Variants in PLTP observed in about 807,000 individuals in gnomAD.
PLTP encodes phospholipid transfer protein, also known as BPI fold containing family E.
Under a neutral mutation model 54.1 loss-of-function variants are expected in PLTP, and 43 were observed. The observed-to-expected ratio is 0.79, with a 90% CI of 0.62 to 1.02. The LOEUF (loss-of-function observed/expected upper bound fraction) is 1.02, where lower values mean the gene tolerates loss of function less well. Ranked by LOEUF, PLTP falls within the 50% of genes least tolerant of loss-of-function variation. PLTP has a pLI of 0.00. For synonymous variants in PLTP, 263 were observed against 264.6 expected (o/e 0.99, Z 0.06); for missense variants, 604 against 645.9 (o/e 0.94, Z 0.70).
rs2083176100 is a variant in PLTP, at chr20:45,900,624, C to A, written c.1176-746G>T. On this transcript the variant is annotated intron_variant, in intron 12 of 15. Coordinates refer to ENST00000372431, the MANE Select transcript of PLTP (RefSeq NM_006227.4). ...CTCACTGTGGCTTTGACCTCCAGGG[C>A]TCAAGTCAGCCTCCCACCTCAGGCT... Among the ~76,000 whole-genome samples the A allele has an allele frequency of 3.3e-5, 5 of 152,014 alleles. No individual in the cohort carries two copies. In the South Asian group the frequency reaches 1.0e-3, roughly 31 times the overall value.
intron 3 of PLTP, among the ~76,000 whole-genome samples, chr20:45,910,649 AC>A (rs1379231075): frequency 2.8e-5 from 4 of 145,048 alleles, no homozygotes; most frequent in Non-Finnish European, 1.5e-5. Flanking sequence ...GTTTGCTTGC[AC>A]CCCCTCCCCT....
rs770049115 is a variant in PLTP, at chr20:45,911,187, C to G, written c.165G>C (p.Arg55=). 2.5e-6 allele frequency: 4 copies of G among 1,614,020 alleles called. No individual in the cohort carries two copies. In the African/African-American group the frequency reaches 5.3e-5, roughly 22 times the overall value. The change falls in exon 3 of 16, where the codon CGG becomes CGC. Residue 55 remains arginine, a synonymous_variant. Coordinates refer to ENST00000372431, the MANE Select transcript of PLTP (RefSeq NM_006227.4). ...TGTAGTAGAAGTGGCCTTCTTTGCC[C>G]CGCAGGTCCGGAATGGTGATAGTCT... is the stretch of plus-strand genomic sequence containing the variant. The part of the protein sequence containing the change: ...ELETITIPDL[R]GKEGHFYYNI...
At chr20:45,904,734 ACCTGCACC>A (rs1054565945) in intron 10 of PLTP, 58 bp downstream of exon 10, 1 of 1,543,868 alleles carries the variant, frequency 6.5e-7, no homozygotes. Flanking sequence ...TGGGGGCCCC[ACCTGCACC>A]CCTCCTTGGT....
rs751308375 is a variant in PLTP at position 45,911,527 on chromosome 20, A to G, written c.-11-64T>C. The G allele has an allele frequency of 4.4e-6, 7 of 1,593,062 alleles. No homozygotes were observed. In the Middle Eastern group the frequency reaches 6.6e-4, roughly 150 times the overall value. On this transcript the variant is annotated intron_variant, in intron 1 of 15. Coordinates refer to ENST00000372431, the MANE Select transcript of PLTP (RefSeq NM_006227.4). The stretch of plus-strand genomic sequence containing the variant: ...CTTAAACCCATTCCTTGGACGTCCA[A>G]CCATAAGTGGGAACTAGCCTGGATC...
chr20:45,907,281 C>T (rs555975772), intron 7 of PLTP, among the ~76,000 whole-genome samples: 5 of 149,096 alleles, frequency 3.4e-5, no homozygotes, highest in South Asian at 2.1e-4. Context: ...GAGCTGAGAT[C>T]GCGCCACTGG....
At position 45,899,602 on chromosome 20, in the gene PLTP, T is replaced by A; in HGVS notation, c.1282+20A>T. ...AGTTCACCCCTCCTTTCTTCCTCCATCCTCACACCCCAGCCTTACCATTGA... is the reference window on the plus strand; with the variant it reads ...AGTTCACCCCTCCTTTCTTCCTCCAACCTCACACCCCAGCCTTACCATTGA... On this transcript the variant is annotated intron_variant, in intron 14 of 15. Transcript: ENST00000372431. 1.2e-6 allele frequency: 2 copies of A among 1,613,910 alleles called. No homozygotes were observed. The highest frequency in any genetic ancestry group is 1.7e-6 in the Non-Finnish European group (2 of 1,179,972).
At chr20:45,909,025 C>T (rs2145840063) in intron 5 of PLTP, among the ~76,000 whole-genome samples, 2 of 139,168 alleles carry the variant, frequency 1.4e-5, no homozygotes, top group Middle Eastern at 4.6e-3. Context: ...AGTGCAGTGG[C>T]ACGATCTCAG....
In PLTP at chr20:45,902,594, A is replaced by G; in HGVS notation, c.953T>C (p.Val318Ala). 1 of 1,609,064 alleles carries G rather than the reference A, an allele frequency of 6.2e-7. No homozygotes were observed. Among genetic ancestry groups the G allele is most frequent in the South Asian group, 1.1e-5 (1 of 90,734 alleles). Reference protein sequence around the residue: ...FGSIVLLSPAVIDSPLKLELR... With the variant: ...FGSIVLLSPAAIDSPLKLELR... ...CTCCAGCTTCAATGGGGAGTCAATC[A>G]CTGCTGGGCTCTGGGGGATGAGCAG... Residue 318 changes from valine (V) to alanine (A), a missense_variant, in exon 11 of 16, where the codon GTG (valine) becomes GCG (alanine). Coordinates refer to ENST00000372431, the MANE Select transcript of PLTP (RefSeq NM_006227.4).
In PLTP at chr20:45,909,941, C is replaced by T. The variant is rs778265326; in HGVS notation, c.329+1G>A. ...CTCCCCTGAGGGTGCTGGGTCCTTA[C>T]AAGAACCAGTAGAGCAGCTGTCTCC... On this transcript the variant is annotated splice_donor_variant, in intron 4 of 15. Coordinates refer to ENST00000372431, the MANE Select transcript of PLTP (RefSeq NM_006227.4). LOFTEE classifies it high-confidence loss of function. The T allele has an allele frequency of 6.2e-7, 1 of 1,614,068 alleles. No individual in the cohort carries two copies. Among genetic ancestry groups the T allele is most frequent in the Non-Finnish European group, 8.5e-7 (1 of 1,179,994 alleles).
At chr20:45,907,304 C>T (rs2083249117) in intron 7 of PLTP, among the ~76,000 whole-genome samples, 1 of 131,366 alleles carries the variant, frequency 7.6e-6, no homozygotes, top group Non-Finnish European at 1.6e-5. Context: ...TCCAGCCTGG[C>T]AACAGAGTGA....
At chr20:45,911,830 G>A (rs1344813152) in intron 1 of PLTP, 2 of 359,856 alleles carry the variant, frequency 5.6e-6, no homozygotes, top group Non-Finnish European at 5.3e-6. Flanking sequence ...ACGACTGCAC[G>A]CGCATTCTTG....
rs779301471 is a variant in PLTP at position 45,898,905 on chromosome 20, T to C, written c.*36A>G. On this transcript the variant is annotated 3_prime_UTR_variant, in exon 16 of 16. Transcript: ENST00000372431. This position sits in a 1 kb window ranked among gnomAD's most constrained non-coding sequence, Gnocchi z 4.6. ...AAAGAGGGGCTGAGAGGGGTTGGGG[T>C]CCTGAATGACAGCTGCCAGCTTGGG... The C allele has an allele frequency of 6.2e-7, 1 of 1,609,892 alleles. No individual in the cohort carries two copies. Among genetic ancestry groups the C allele is most frequent in the South Asian group, 1.1e-5 (1 of 90,750 alleles).
intron 3 of PLTP, 163 bp downstream of exon 3, chr20:45,910,989 C>CT (rs950225822): frequency 8.5e-6 from 13 of 1,529,690 alleles, no homozygotes; most frequent in East Asian, 4.8e-5. Context: ...CTGGCTTGGC[C>CT]TTTATCTTTT....
rs993643161 is a variant in PLTP at position 45,911,036 on chromosome 20, T to C, written c.200+116A>G. 5.6e-6 allele frequency: 9 copies of C among 1,604,892 alleles called. No individual in the cohort carries two copies. In the Admixed American group the frequency reaches 1.5e-4, roughly 27 times the overall value. On this transcript the variant is annotated intron_variant, in intron 3 of 15. Coordinates refer to ENST00000372431, the MANE Select transcript of PLTP (RefSeq NM_006227.4). ...GGTTTCTTAAGTCTTGCCTCATCGA[T>C]TTGGCCACGCCCCATCCCACTCAGC...
chr20:45,907,650 G>A (rs1363771668), intron 7 of PLTP, 42 bp downstream of exon 7: 1 of 1,580,878 alleles, frequency 6.3e-7, no homozygotes. Context: ...CTGAGGTGCT[G>A]CATGACAGCT....
At chr20:45,905,687 C>T (rs1041107513) in intron 8 of PLTP, among the ~76,000 whole-genome samples, 5 of 152,198 alleles carry the variant, frequency 3.3e-5, no homozygotes, top group Non-Finnish European at 5.9e-5. Flanking sequence ...GCGATCCTCT[C>T]GCCTGGGCCT....
chr20:45,909,608 G>A lies in PLTP; in HGVS notation c.393C>T (p.Leu131=), dbSNP rs369025070. The change falls in exon 5 of 16, where the codon CTC becomes CTT. Residue 131 remains leucine (L), a synonymous_variant. Coordinates refer to ENST00000372431, the MANE Select transcript of PLTP (RefSeq NM_006227.4). ...EGVSIRTGLE[L]SRDPAGRMKV... is the part of the protein sequence containing the mutation. ...TCATCCGTCCAGCGGGATCCCGGGA[G>A]AGCTCCAGACCAGTGCGGATGGACA... The A allele has an allele frequency of 1.5e-5, 25 of 1,614,206 alleles. No individual in the cohort carries two copies. Among genetic ancestry groups the A allele is most frequent in the South Asian group, 9.9e-5 (9 of 91,082 alleles).
rs2083192258 is a variant in PLTP at position 45,902,259 on chromosome 20, C to A, written c.1175+8G>T. On this transcript the variant is annotated splice_region_variant and intron_variant, in intron 12 of 15. Transcript: ENST00000372431. ...ATCACTGAGGTGCAGGGAAGTGCGC[C>A]TGCCTACCTGCGCAGGTCCAGCTGC... The A allele has an allele frequency of 6.2e-7, 1 of 1,613,554 alleles. No homozygotes were observed. The highest frequency in any genetic ancestry group is 8.5e-7 in the Non-Finnish European group (1 of 1,179,868).
Position 45,904,782 on chromosome 20 carries a change from GC to G in PLTP, c.942+17del. 6.2e-7 allele frequency: 1 copy of G among 1,613,696 alleles called. No individual in the cohort carries two copies. Among genetic ancestry groups the G allele is most frequent in the Non-Finnish European group, 8.5e-7 (1 of 1,179,604 alleles). On this transcript the variant is annotated intron_variant, in intron 10 of 15. Transcript: ENST00000372431. The stretch of plus-strand genomic sequence containing the variant: ...CTGGTGTGCAGGTGGCCCTATCCCT[GC>G]CCCCGCCAGCACTCACCAGCAGGAC...
Sources: gnomAD v4.1 joint callset for allele counts (sites outside exome capture counted in the v4.1 genomes callset) on GRCh38, gnomAD v4.1.1 for gene constraint, Gnocchi (gnomAD v3.1) non-coding constraint, MANE v1.5 for transcripts, NCBI Gene and HGNC (gene_info 2026-07-23, HGNC 2026-07-21) for gene names.